Variants in PXT1 observed in about 807,000 individuals in gnomAD.
The protein encoded by PXT1 is peroxisomal testis-specific protein 1.
PXT1 carries 11 observed loss-of-function variants against 11.0 expected under a neutral mutation model. The observed-to-expected ratio is 1.00, with a 90% CI of 0.63 to 1.66. The LOEUF is 1.66. Among genes scored for constraint, PXT1 ranks in the 40% most tolerant of loss-of-function variants. The pLI, the probability that PXT1 is intolerant of heterozygous loss-of-function variation, is 0.00. For missense variants in PXT1, 141 were observed against 155.5 expected, an observed-to-expected ratio of 0.91 and a Z score of 0.49; for synonymous variants, 43 against 51.4, an observed-to-expected ratio of 0.84 and a Z score of 0.70.
intron 2 of PXT1, among the ~76,000 whole-genome samples, chr6:36,434,800 A>T (rs562155376): frequency 1.2e-4 from 19 of 152,234 alleles, no homozygotes; most frequent in Non-Finnish European, 2.6e-4. Context: ...CTGTGGTTTG[A>T]AAAGATTTGT....
chr6:36,438,697 C>T, intron 2 of PXT1, 70 bp downstream of exon 2: 1 of 152,468 alleles, frequency 6.6e-6, no homozygotes, highest in Non-Finnish European at 1.5e-5. Flanking sequence ...GCTGGGATTA[C>T]AGGCATGAGC....
intron 1 of PXT1, among the ~76,000 whole-genome samples, chr6:36,439,832 G>T (rs1774829576): frequency 6.6e-6 from 1 of 152,050 alleles, no homozygotes; most frequent in African/African-American, 2.4e-5. Flanking sequence ...CCCAGCCTCC[G>T]CCGAAACCCA....
At position 36,391,487 on chromosome 6, in the gene PXT1, T is replaced by C. The variant is rs1029983108; in HGVS notation, c.*283A>G. The stretch of plus-strand genomic sequence containing the variant: ...TTCCTCACAAGGAGCCCTGGGACCA[T>C]CCACAGCGCTGGTGTTTTCTGGGCA... On this transcript the variant is annotated 3_prime_UTR_variant, in exon 5 of 5. Transcript: ENST00000454782. 5.0e-6 allele frequency: 2 copies of C among 400,178 alleles called. No individual in the cohort carries two copies. The highest frequency in any genetic ancestry group is 4.4e-5 in the Admixed American group (1 of 22,876). The allele number at this position is 400,178 out of a possible 1,614,324, so 24.8% of individuals were successfully genotyped here.
chr6:36,424,566 G>T (rs1198992689), intron 3 of PXT1, among the ~76,000 whole-genome samples: 1 of 152,194 alleles, frequency 6.6e-6, no homozygotes. Context: ...CGTGAACCTG[G>T]GAGGCGGAGC....
intron 1 of PXT1, among the ~76,000 whole-genome samples, chr6:36,442,088 A>G (rs1177954824): frequency 6.6e-6 from 1 of 152,094 alleles, no homozygotes; most frequent in Non-Finnish European, 1.5e-5. Context: ...TATATTTGAG[A>G]GGGAACTTCA....
intron 4 of PXT1, among the ~76,000 whole-genome samples, chr6:36,395,514 T>C (rs75892860): frequency 7.1e-6 from 1 of 140,898 alleles, no homozygotes; most frequent in Non-Finnish European, 1.5e-5. Flanking sequence ...TTTTTTTTTT[T>C]TTTTTTGAGA....
In PXT1 at chr6:36,438,765, A is replaced by C. The variant is rs1232752692; in HGVS notation, c.-10+2T>G. The C allele has an allele frequency of 6.6e-6, 1 of 152,174 alleles. No homozygotes were observed. The highest frequency in any genetic ancestry group is 1.9e-4 in the East Asian group (1 of 5,186). 9.4% of individuals were successfully genotyped at this position (152,174 alleles called of 1,614,324 possible). Reference sequence around the variant, plus strand: ...GTTTTAATGCAGTAAGTTCAGACTTACTTTTCCAAGTATGTTGAGCCCTCT... The same window carrying C: ...GTTTTAATGCAGTAAGTTCAGACTTCCTTTTCCAAGTATGTTGAGCCCTCT... On this transcript the variant is annotated splice_donor_variant, in intron 2 of 4. Transcript: ENST00000454782. LOFTEE classifies it low-confidence loss of function (5UTR_SPLICE).
chr6:36,425,168 C>G (rs965245206), intron 3 of PXT1, among the ~76,000 whole-genome samples: 1 of 152,150 alleles, frequency 6.6e-6, no homozygotes, highest in Non-Finnish European at 1.5e-5. Flanking sequence ...AGGAATCACA[C>G]ATTTTTGCAA....
intron 3 of PXT1, among the ~76,000 whole-genome samples, chr6:36,412,388 G>A (rs969483726): frequency 2.0e-5 from 3 of 151,920 alleles, no homozygotes; most frequent in South Asian, 2.1e-4. Flanking sequence ...TAGGCTGGCC[G>A]CAGTGGCTCA....
intron 3 of PXT1, among the ~76,000 whole-genome samples, chr6:36,425,630 T>C (rs932356137): frequency 6.6e-6 from 1 of 151,442 alleles, no homozygotes; most frequent in Non-Finnish European, 1.5e-5. Flanking sequence ...ACTAAAAATA[T>C]TTAAAAAATT....
chr6:36,394,575 A>G (rs1187631135), intron 4 of PXT1, among the ~76,000 whole-genome samples: 1 of 152,154 alleles, frequency 6.6e-6, no homozygotes, highest in Non-Finnish European at 1.5e-5. Context: ...TGGGGCATAG[A>G]GACAGGGGCG....
intron 3 of PXT1, among the ~76,000 whole-genome samples, chr6:36,423,899 A>C (rs1774562956): frequency 1.3e-5 from 2 of 152,236 alleles, no homozygotes; most frequent in Non-Finnish European, 2.9e-5. Context: ...CGCGTATGGT[A>C]AAACGGGAGT....
chr6:36,402,003 G>A (rs1774221849), intron 3 of PXT1, among the ~76,000 whole-genome samples: 1 of 150,158 alleles, frequency 6.7e-6, no homozygotes, highest in Non-Finnish European at 1.5e-5. Context: ...TAGACACAGG[G>A]TCTTTGTTTG....
intron 4 of PXT1, among the ~76,000 whole-genome samples, chr6:36,392,519 G>C (rs1774084257): frequency 1.3e-5 from 2 of 152,134 alleles, no homozygotes; most frequent in Non-Finnish European, 1.5e-5. Context: ...AACTGAGCCA[G>C]GCATGGTGGC....
In PXT1 at chr6:36,399,461, T is replaced by G. The variant is rs1774186158; in HGVS notation, c.300+993A>C. Among the ~76,000 whole-genome samples, 2 of 152,150 alleles carry G rather than the reference T, an allele frequency of 1.3e-5. 1 individual carries two copies. Among genetic ancestry groups the G allele is most frequent in the South Asian group, 4.1e-4 (2 of 4,830 alleles). On this transcript the variant is annotated intron_variant, in intron 4 of 4. Coordinates refer to ENST00000454782, the MANE Select transcript of PXT1 (RefSeq NM_152990.4). ...CGCACCTGGCCCCCTCTTGCTTTTA[T>G]AGCATTATTGTTGGGATCTCCCATT...
chr6:36,436,112 C>CCAAAAAAAAAAAAAAAAAAAAAAAAAA (rs1774759403), intron 2 of PXT1, among the ~76,000 whole-genome samples: 1 of 25,794 alleles, frequency 3.9e-5, no homozygotes. Flanking sequence ...AAAAAGTAAG[C>CCAAAAAAAAAAAAAAAAAAAAAAAAAA]CAAAAAAAAA....
chr6:36,427,832 G>A (rs530671286), intron 2 of PXT1, among the ~76,000 whole-genome samples: 1 of 152,176 alleles, frequency 6.6e-6, no homozygotes, highest in South Asian at 2.1e-4. Flanking sequence ...GTACTTTACT[G>A]GACGGCCAGC....
At chr6:36,405,390 T>TA (rs1234378541) in intron 3 of PXT1, among the ~76,000 whole-genome samples, 3 of 148,114 alleles carry the variant, frequency 2.0e-5, no homozygotes, top group African/African-American at 7.5e-5. Flanking sequence ...TTTTTTTTTT[T>TA]ATTTTGAGAT....
intron 2 of PXT1, among the ~76,000 whole-genome samples, chr6:36,427,801 G>A (rs1284821412): frequency 6.6e-6 from 1 of 152,150 alleles, no homozygotes; most frequent in Non-Finnish European, 1.5e-5. Context: ...GTAGCCACAT[G>A]CAGCCAGTGG....
Sources: gnomAD v4.1 joint callset for allele counts (sites outside exome capture counted in the v4.1 genomes callset) on GRCh38, gnomAD v4.1.1 for gene constraint, MANE v1.5 for transcripts, NCBI Gene and HGNC (gene_info 2026-07-23, HGNC 2026-07-21) for gene names.